ECHDC2: variants seen among roughly 807,000 people sequenced by gnomAD.
ECHDC2 encodes the protein enoyl-CoA hydratase domain-containing protein 2, mitochondrial.
A neutral mutation model predicts 40.6 loss-of-function variants in ECHDC2; 34 were observed. The ratio of observed to expected loss-of-function variants is 0.84; its 90% CI spans 0.64 to 1.11. ECHDC2 has a LOEUF of 1.11. ECHDC2 is among the 50% of genes most tolerant of loss of function. ECHDC2 has a pLI of 0.00. For synonymous variants in ECHDC2, 162 were observed against 166.6 expected, an observed-to-expected ratio of 0.97 and a Z score of 0.21; for missense variants, 392 against 400.7, an observed-to-expected ratio of 0.98 and a Z score of 0.19.
intron 1 of ECHDC2, among the ~76,000 whole-genome samples, chr1:52,916,091 T>TC (rs1210862976): frequency 1.3e-5 from 2 of 152,146 alleles, no homozygotes; most frequent in African/African-American, 4.8e-5. Context: ...CCTGGCCAAC[T>TC]CCCGACTGCA....
intron 1 of ECHDC2, chr1:52,912,160 T>A: frequency 4.7e-6 from 2 of 428,958 alleles, no homozygotes; most frequent in Non-Finnish European, 6.5e-6. Context: ...TACAACTCCC[T>A]CCATATTCAT....
In ECHDC2 at chr1:52,914,343, TGCATGA is replaced by T. The variant is rs1208886846; in HGVS notation, c.122-2559_122-2554del. Among the ~76,000 whole-genome samples the T allele has an allele frequency of 6.6e-6, 1 of 152,140 alleles. No individual in the cohort carries two copies. The highest frequency in any genetic ancestry group is 1.9e-4 in the East Asian group (1 of 5,198). ...ATGCATGGGTGCATATGTGAGCGTGTGCATGAGTGCCTGTGTGTGTGCATGCATGTT... is the reference window on the plus strand; with the variant it reads ...ATGCATGGGTGCATATGTGAGCGTGTGTGCCTGTGTGTGTGCATGCATGTT... On this transcript the variant is annotated intron_variant, in intron 1 of 9. Coordinates refer to ENST00000371522, the MANE Select transcript of ECHDC2 (RefSeq NM_001198961.2). The surrounding 1 kb of genome is among the most constrained non-coding windows in gnomAD (Gnocchi z 4.0).
intron 1 of ECHDC2, chr1:52,913,789 A>C (rs1037873298): frequency 2.7e-6 from 1 of 374,270 alleles, no homozygotes; most frequent in Non-Finnish European, 3.9e-6. Flanking sequence ...GCCCTAGTGT[A>C]CACTGGGGTT....
chr1:52,899,284 G>GATAGTTGCA (rs1646836767), intron 7 of ECHDC2, 60 bp from the exon 8 acceptor site: 1 of 1,526,286 alleles, frequency 6.6e-7, no homozygotes. Flanking sequence ...TTGCAGGTCT[G>GATAGTTGCA]AGGTGCACAG....
chr1:52,911,832 G>A, intron 1 of ECHDC2, 42 bp from the exon 2 acceptor site: 1 of 1,610,034 alleles, frequency 6.2e-7, no homozygotes, highest in East Asian at 2.2e-5. Context: ...AGCTGGCTCT[G>A]CCTAATCCTG....
intron 7 of ECHDC2, among the ~76,000 whole-genome samples, chr1:52,902,620 T>A (rs501006): frequency 0.48 from 72,755 of 152,138 alleles, 18,575 homozygotes; most frequent in Non-Finnish European, 0.58. Context: ...ATTAATTCAA[T>A]ATATGTCAAT....
chr1:52,911,169 G>T lies in ECHDC2; in HGVS notation c.277+397C>A, dbSNP rs531187532. Reference sequence around the variant, plus strand: ...TTTTTGTATTTTTTAGTAGAGAAGGGGTTTCACCATGTTGGCCAGGCTGGT... The same window carrying T: ...TTTTTGTATTTTTTAGTAGAGAAGGTGTTTCACCATGTTGGCCAGGCTGGT... On this transcript the variant is annotated intron_variant, in intron 3 of 9. Transcript: ENST00000371522. Among the ~76,000 whole-genome samples the T allele has an allele frequency of 5.3e-5, 8 of 152,120 alleles. No homozygotes were observed. The South Asian group carries it at 1.7e-3, about 32-fold the overall frequency.
At chr1:52,908,072 A>G (rs1648413663) in intron 3 of ECHDC2, 118 bp from the exon 4 acceptor site, 2 of 818,228 alleles carry the variant, frequency 2.4e-6, no homozygotes, top group Non-Finnish European at 2.0e-6. Context: ...GGAAGGAGAA[A>G]CACCAGGAAC....
At chr1:52,921,407 C>T in intron 1 of ECHDC2, 146 bp downstream of exon 1, 3 of 1,421,694 alleles carry the variant, frequency 2.1e-6, no homozygotes, top group South Asian at 3.0e-5. Flanking sequence ...CCTCTCAGGC[C>T]TGGAGCGGTT....
chr1:52,907,889 G>C lies in ECHDC2; in HGVS notation c.343C>G (p.Arg115Gly). 1 of 1,589,122 alleles carries C rather than the reference G, an allele frequency of 6.3e-7. No homozygotes were observed. The highest frequency in any genetic ancestry group is 8.6e-7 in the Non-Finnish European group (1 of 1,165,016). Residue 115 changes from arginine (R) to glycine (G), a missense_variant, in exon 4 of 10, where the codon CGG (arginine) becomes GGG (glycine). Transcript: ENST00000371522. ...AEVGVFVQRL[R>G]GLMNDIAAFP... ...TCACCGATGTCATTCATCAGGCCCC[G>C]GAGTCGCTGGACAAACACCCCCACC...
Position 52,921,253 on chromosome 1 carries a change from G to T in ECHDC2, c.121+300C>A, listed in dbSNP as rs558595305. 10 of 388,710 alleles carry T rather than the reference G, an allele frequency of 2.6e-5. No individual in the cohort carries two copies. The South Asian group carries it at 6.8e-4, about 26-fold the overall frequency. 24.1% of individuals were successfully genotyped at this position (388,710 alleles called of 1,614,324 possible). A position where few individuals can be genotyped will look rare whatever the true frequency, so the allele number is the denominator to read the frequency against. On this transcript the variant is annotated intron_variant, in intron 1 of 9. Transcript: ENST00000371522. ...CGCACTTAAACGCTCCTGGCCTGGG[G>T]GCCGCGGGGCCCAGTCCTACCCGTG...
upstream of ECHDC2, chr1:52,921,764 C>G: frequency 7.0e-7 from 1 of 1,419,142 alleles, no homozygotes; most frequent in Admixed American, 3.0e-5. Flanking sequence ...CGGGCGAAGC[C>G]TTCGCCAATT....
In ECHDC2 at chr1:52,906,413, T is replaced by C. The variant is rs563242587; in HGVS notation, c.457+106A>G. The stretch of plus-strand genomic sequence containing the variant: ...TGCCTTGCCTTAGTTTTGCTTTTGG[T>C]TGGAAGCCAAGAACAGTGGCTGACT... On this transcript the variant is annotated intron_variant, in intron 5 of 9. Coordinates refer to ENST00000371522, the MANE Select transcript of ECHDC2 (RefSeq NM_001198961.2). 74 of 1,033,278 alleles carry C rather than the reference T, an allele frequency of 7.2e-5. No homozygotes were observed. In the South Asian group the frequency reaches 9.3e-4, roughly 13 times the overall value. 64.0% of individuals were successfully genotyped at this position (1,033,278 alleles called of 1,614,324 possible).
intron 9 of ECHDC2, chr1:52,897,052 G>T: frequency 3.1e-6 from 1 of 327,062 alleles, no homozygotes; most frequent in South Asian, 5.7e-5. Flanking sequence ...TAATAGGTCA[G>T]TCCCAAGTGT....
In ECHDC2 at chr1:52,896,256, A is replaced by G. The variant is rs1044365; in HGVS notation, c.*264T>C. ...ATCTAATTTAATTCTTTATCATTCA[A>G]GTAGAGAGACAGGCATTTTCCAAAG... On this transcript the variant is annotated 3_prime_UTR_variant, in exon 10 of 10. Coordinates refer to ENST00000371522, the MANE Select transcript of ECHDC2 (RefSeq NM_001198961.2). 19,547 of 466,364 alleles carry G rather than the reference A, an allele frequency of 0.042. 621 individuals carry two copies. Among genetic ancestry groups the G allele is most frequent in the African/African-American group, 0.11 (5,371 of 50,832 alleles). The allele number at this position is 466,364 out of a possible 1,614,324, so 28.9% of individuals were successfully genotyped here.
chr1:52,915,617 A>G (rs1650510243), intron 1 of ECHDC2, among the ~76,000 whole-genome samples: 1 of 152,176 alleles, frequency 6.6e-6, no homozygotes, highest in African/African-American at 2.4e-5. Flanking sequence ...GTGGATAGAG[A>G]GATGCCAGAT....
At chr1:52,899,584 C>A in intron 7 of ECHDC2, 1 of 245,302 alleles carries the variant, frequency 4.1e-6, no homozygotes, top group Non-Finnish European at 7.9e-6. Context: ...GATTTTACAG[C>A]TGTGAGATTG....
intron 9 of ECHDC2, chr1:52,896,805 C>G: frequency 1.8e-6 from 1 of 558,158 alleles, no homozygotes; most frequent in Non-Finnish European, 3.2e-6. Flanking sequence ...TCTCTGTGCC[C>G]CATCAGCATT....
chr1:52,897,985 C>T (rs1460300511), intron 8 of ECHDC2: 1 of 193,772 alleles, frequency 5.2e-6, no homozygotes, highest in Non-Finnish European at 1.1e-5. Context: ...AGCCTAGTGC[C>T]TCGAACTTGC....
Sources: allele counts gnomAD v4.1 joint callset (sites outside exome capture counted in the v4.1 genomes callset), GRCh38; gene constraint gnomAD v4.1.1; non-coding constraint Gnocchi (gnomAD v3.1); transcripts MANE v1.5; gene names NCBI Gene and HGNC (gene_info 2026-07-23, HGNC 2026-07-21).